MICALL1: variants seen among roughly 807,000 people sequenced by gnomAD.
MICALL1 encodes the protein MICAL like 1, also known as MICAL-like protein 1.
A neutral mutation model predicts 83.7 loss-of-function variants in MICALL1; 61 were observed. The ratio of observed to expected loss-of-function variants is 0.73; its 90% CI spans 0.59 to 0.90. The LOEUF (loss-of-function observed/expected upper bound fraction) is 0.90. Among genes scored for constraint, MICALL1 ranks in the 40% least tolerant of loss-of-function variants. MICALL1 has a pLI of 0.00. For missense variants in MICALL1, 1,066 were observed against 1,152.0 expected (o/e 0.93, Z 1.08); for synonymous variants, 481 against 473.6 (o/e 1.02, Z -0.20).
At chr22:37,925,168 C>T (rs974445024) in intron 7 of MICALL1, among the ~76,000 whole-genome samples, 2 of 152,170 alleles carry the variant, frequency 1.3e-5, no homozygotes, top group Non-Finnish European at 2.9e-5. Flanking sequence ...ATGCTTCCCC[C>T]ATGTGGTCGG....
At position 37,932,925 on chromosome 22, in the gene MICALL1, C is replaced by T. The variant is rs1303196215; in HGVS notation, c.2234+37C>T. The T allele has an allele frequency of 6.2e-7, 1 of 1,613,192 alleles. No individual in the cohort carries two copies. Among genetic ancestry groups the T allele is most frequent in the South Asian group, 1.1e-5 (1 of 91,062 alleles). On this transcript the variant is annotated intron_variant, in intron 12 of 15. Coordinates refer to ENST00000215957, the MANE Select transcript of MICALL1 (RefSeq NM_033386.4). This position sits in a 1 kb window ranked among gnomAD's most constrained non-coding sequence, Gnocchi z 4.4. ...CGCCTGGGGCATCCCTCCCTGGAAT[C>T]CGTAGAGCTTAGAATGGAGAACCCT...
chr22:37,940,470 C>A (rs1400742730), intron 15 of MICALL1, among the ~76,000 whole-genome samples: 1 of 152,016 alleles, frequency 6.6e-6, no homozygotes, highest in African/African-American at 2.4e-5. Context: ...ATGTGCTGAC[C>A]ATCTTGATCT....
chr22:37,924,788 G>T lies in MICALL1; in HGVS notation c.1082+71G>T. ...GTGGGAATCAGGGTACTCTGGGGCCGGGTAGGGAGAGAGGCTTCCTGTGGA... is the reference window on the plus strand; with the variant it reads ...GTGGGAATCAGGGTACTCTGGGGCCTGGTAGGGAGAGAGGCTTCCTGTGGA... On this transcript the variant is annotated intron_variant, in intron 7 of 15. Coordinates refer to ENST00000215957, the MANE Select transcript of MICALL1 (RefSeq NM_033386.4). This position sits in a 1 kb window ranked among gnomAD's most constrained non-coding sequence, Gnocchi z 5.2. The T allele has an allele frequency of 6.6e-7, 1 of 1,521,004 alleles. No individual in the cohort carries two copies. The highest frequency in any genetic ancestry group is 9.0e-7 in the Non-Finnish European group (1 of 1,105,910). 94.2% of individuals were successfully genotyped at this position (1,521,004 alleles called of 1,614,324 possible).
chr22:37,935,218 C>G (rs1240149186), intron 13 of MICALL1, among the ~76,000 whole-genome samples: 1 of 151,424 alleles, frequency 6.6e-6, no homozygotes, highest in African/African-American at 2.4e-5. Context: ...AGGCGTGAGC[C>G]ACCGCGCCAA....
In MICALL1 at chr22:37,927,751, A is replaced by G. The variant is rs775532370; in HGVS notation, c.1806A>G (p.Pro602=). 3.1e-6 allele frequency: 5 copies of G among 1,613,390 alleles called. No homozygotes were observed. The highest frequency in any genetic ancestry group is 4.2e-6 in the Non-Finnish European group (5 of 1,179,942). The part of the protein sequence containing the change: ...QPAKPCSGAT[P]TPLLLVGDRS... ...CCAAGCCCTGCAGTGGCGCCACCCCAACGCCTCTCTTGTTGGTTGGAGACA... is the reference window on the plus strand; with the variant it reads ...CCAAGCCCTGCAGTGGCGCCACCCCGACGCCTCTCTTGTTGGTTGGAGACA... Residue 602 remains proline (P), a synonymous_variant, in exon 9 of 16, where the codon CCA becomes CCG. Transcript: ENST00000215957.
Position 37,940,789 on chromosome 22 carries a change from A to C in MICALL1, c.2551A>C (p.Lys851Gln). 3 of 1,614,166 alleles carry C rather than the reference A, an allele frequency of 1.9e-6. No individual in the cohort carries two copies. The highest frequency in any genetic ancestry group is 1.7e-6 in the Non-Finnish European group (2 of 1,179,988). The change falls in exon 16 of 16, where the codon AAA (lysine) becomes CAA (glutamine). Residue 851 changes from lysine (K) to glutamine (Q), a missense_variant. Physicochemically the swap from Lys to Gln is moderately conservative, Grantham distance 53. Transcript: ENST00000215957. The part of the protein sequence containing the change: ...TMKMLKLLGN[K>Q]RDAKSKSPRD... ...GAAGATGTTGAAACTGCTAGGAAACAAACGTGATGCCAAGAGCAAGTCCCC... is the reference window on the plus strand; with the variant it reads ...GAAGATGTTGAAACTGCTAGGAAACCAACGTGATGCCAAGAGCAAGTCCCC...
intron 13 of MICALL1, among the ~76,000 whole-genome samples, chr22:37,935,501 C>T (rs1419443804): frequency 2.0e-5 from 3 of 151,586 alleles, no homozygotes; most frequent in East Asian, 3.9e-4. Flanking sequence ...CCTCGTGATC[C>T]GCCCACCTCG....
At chr22:37,937,720 A>T in intron 14 of MICALL1, 26 bp from the exon 15 acceptor site, 1 of 1,611,838 alleles carries the variant, frequency 6.2e-7, no homozygotes, top group Non-Finnish European at 8.5e-7. Context: ...CACCACGCCC[A>T]GCTTAACTGC....
Position 37,924,781 on chromosome 22 carries a change from T to G in MICALL1, c.1082+64T>G. The G allele has an allele frequency of 5.8e-6, 9 of 1,550,684 alleles. No homozygotes were observed. The highest frequency in any genetic ancestry group is 8.0e-6 in the Non-Finnish European group (9 of 1,130,368). On this transcript the variant is annotated intron_variant, in intron 7 of 15. Coordinates refer to ENST00000215957, the MANE Select transcript of MICALL1 (RefSeq NM_033386.4). This position sits in a 1 kb window ranked among gnomAD's most constrained non-coding sequence, Gnocchi z 5.2. Reference sequence around the variant, plus strand: ...CCTGGTGGTGGGAATCAGGGTACTCTGGGGCCGGGTAGGGAGAGAGGCTTC... The same window carrying G: ...CCTGGTGGTGGGAATCAGGGTACTCGGGGGCCGGGTAGGGAGAGAGGCTTC...
At chr22:37,910,812 A>G (rs1335610588) in intron 1 of MICALL1, among the ~76,000 whole-genome samples, 1 of 152,130 alleles carries the variant, frequency 6.6e-6, no homozygotes, top group Non-Finnish European at 1.5e-5. Flanking sequence ...CTGGGACTCC[A>G]CCAGCTTGGG....
intron 9 of MICALL1, among the ~76,000 whole-genome samples, chr22:37,928,710 C>T: frequency 6.6e-6 from 1 of 152,220 alleles, no homozygotes; most frequent in Non-Finnish European, 1.5e-5. Flanking sequence ...GTTTGCCTCC[C>T]ATCCCCTCCA....
intron 3 of MICALL1, among the ~76,000 whole-genome samples, chr22:37,915,803 G>A (rs1601809745): frequency 6.6e-6 from 1 of 151,774 alleles, no homozygotes; most frequent in African/African-American, 2.4e-5. Flanking sequence ...GCACCACCAC[G>A]CCTGGCTTAA....
At chr22:37,916,926 C>T (rs535086455) in intron 3 of MICALL1, among the ~76,000 whole-genome samples, 73 of 152,156 alleles carry the variant, frequency 4.8e-4, no homozygotes, top group African/African-American at 1.4e-3. Context: ...TGCAGTGGCG[C>T]GATCTCAACT....
chr22:37,920,996 G>A (rs1270897326), intron 5 of MICALL1, among the ~76,000 whole-genome samples: 1 of 152,180 alleles, frequency 6.6e-6, no homozygotes, highest in Non-Finnish European at 1.5e-5. Context: ...GCTGAGGCAG[G>A]AGGATCACTT....
In MICALL1 at chr22:37,941,216, T is replaced by C; in HGVS notation, c.*386T>C. On this transcript the variant is annotated 3_prime_UTR_variant, in exon 16 of 16. Transcript: ENST00000215957. ...GGTCTCCGCCTCCAGGGTTCTGCTC[T>C]TCCAGGCAGGCCAGCAAGTGGCGCT... 1 of 181,138 alleles carries C rather than the reference T, an allele frequency of 5.5e-6. No individual in the cohort carries two copies. Among genetic ancestry groups the C allele is most frequent in the Non-Finnish European group, 1.2e-5 (1 of 84,368 alleles). 11.2% of individuals were successfully genotyped at this position (181,138 alleles called of 1,614,324 possible). A position where few individuals can be genotyped will look rare whatever the true frequency, so the allele number is the denominator to read the frequency against.
At position 37,912,258 on chromosome 22, in the gene MICALL1, A is replaced by G. The variant is rs936483533; in HGVS notation, c.196-93A>G. 8 of 1,468,950 alleles carry G rather than the reference A, an allele frequency of 5.4e-6. No individual in the cohort carries two copies. In the African/African-American group the frequency reaches 8.4e-5, roughly 15 times the overall value. 91.0% of individuals were successfully genotyped at this position (1,468,950 alleles called of 1,614,324 possible). A position where few individuals can be genotyped will look rare whatever the true frequency, so the allele number is the denominator to read the frequency against. On this transcript the variant is annotated intron_variant, in intron 2 of 15. Coordinates refer to ENST00000215957, the MANE Select transcript of MICALL1 (RefSeq NM_033386.4). ...GCCCACAGTCACCCCATCCCACTGAAGGGAGCTGGGCCTAGGCTGAGGGGT... is the reference window on the plus strand; with the variant it reads ...GCCCACAGTCACCCCATCCCACTGAGGGGAGCTGGGCCTAGGCTGAGGGGT...
intron 1 of MICALL1, among the ~76,000 whole-genome samples, chr22:37,909,506 C>T (rs1350866658): frequency 2.4e-4 from 36 of 149,336 alleles, no homozygotes. Context: ...CTACAGGTGC[C>T]CGCCACCATG....
Position 37,927,831 on chromosome 22 carries a change from G to A in MICALL1, c.1881+5G>A, listed in dbSNP as rs749230569. ...TCCCCACAGCTGCAGGTAAAGGTGAGTGCCCCCTCACCCTCACTAAAAGTG... is the reference window on the plus strand; with the variant it reads ...TCCCCACAGCTGCAGGTAAAGGTGAATGCCCCCTCACCCTCACTAAAAGTG... On this transcript the variant is annotated splice_donor_5th_base_variant and intron_variant, in intron 9 of 15. Transcript: ENST00000215957. 1 of 1,599,730 alleles carries A rather than the reference G, an allele frequency of 6.3e-7. No homozygotes were observed.
At position 37,937,202 on chromosome 22, in the gene MICALL1, G is replaced by A. The variant is rs1930178766; in HGVS notation, c.2423+8G>A. On this transcript the variant is annotated splice_region_variant and intron_variant, in intron 14 of 15. Coordinates refer to ENST00000215957, the MANE Select transcript of MICALL1 (RefSeq NM_033386.4). ...GGATGAGGACCGGCAGAGGTGACAT[G>A]GCCAGGGGTGGGGGGTCCTGGGGGC... 2 of 1,549,206 alleles carry A rather than the reference G, an allele frequency of 1.3e-6. No individual in the cohort carries two copies. The highest frequency in any genetic ancestry group is 4.9e-5 in the East Asian group (2 of 40,866).
Sources: gnomAD v4.1 joint callset for allele counts (sites outside exome capture counted in the v4.1 genomes callset) on GRCh38, gnomAD v4.1.1 for gene constraint, Gnocchi (gnomAD v3.1) non-coding constraint, MANE v1.5 for transcripts, NCBI Gene and HGNC (gene_info 2026-07-23, HGNC 2026-07-21) for gene names.